MAP7D2: variants seen among roughly 807,000 people sequenced by gnomAD.
MAP7D2 encodes MAP7 domain containing 2.
A neutral mutation model predicts 63.5 loss-of-function variants in MAP7D2; 33 were observed. The ratio of observed to expected loss-of-function variants is 0.52; its 90% confidence interval spans 0.39 to 0.70. The LOEUF (loss-of-function observed/expected upper bound fraction) is 0.70, where lower values mean the gene tolerates loss of function less well. Ranked by LOEUF, MAP7D2 falls within the 30% of genes least tolerant of loss-of-function variation. The pLI, the probability that MAP7D2 is intolerant of heterozygous loss-of-function variation, is 0.00. For missense variants in MAP7D2, 626 were observed against 604.0 expected (o/e 1.04, Z -0.38); for synonymous variants, 224 against 223.7 (o/e 1.00, Z -0.01).
chrX:20,110,316 G>A (rs1326060917), intron 1 of MAP7D2, among the ~76,000 whole-genome samples: 1 of 108,902 alleles, frequency 9.2e-6, no homozygotes, highest in East Asian at 2.9e-4. Context: ...GGTGAAACCC[G>A]ATCTCTACTA....
intron 16 of MAP7D2, among the ~76,000 whole-genome samples, chrX:20,008,610 AT>A (rs1292615995): frequency 8.9e-6 from 1 of 112,015 alleles, no homozygotes; most frequent in Non-Finnish European, 1.9e-5. Flanking sequence ...GATGGGTCAA[AT>A]TTTCCTTGTA....
intron 7 of MAP7D2, among the ~76,000 whole-genome samples, chrX:20,043,175 A>G (rs1163749351): frequency 9.0e-6 from 1 of 111,577 alleles, no homozygotes; most frequent in Non-Finnish European, 1.9e-5. Context: ...CAAGTCCTCA[A>G]TTGGCCCCCA....
At chrX:20,097,830 C>T (rs898512263) in intron 1 of MAP7D2, among the ~76,000 whole-genome samples, 1 of 111,225 alleles carries the variant, frequency 9.0e-6, no homozygotes, top group Non-Finnish European at 1.9e-5. Context: ...CTTTGGGACT[C>T]ATAAATGCAC....
intron 1 of MAP7D2, among the ~76,000 whole-genome samples, chrX:20,102,538 T>C (rs1355184188): frequency 4.5e-5 from 5 of 110,589 alleles, no homozygotes; most frequent in Non-Finnish European, 7.6e-5. Flanking sequence ...CCAACAGCAG[T>C]TTAGAATATA....
In MAP7D2 at chrX:20,048,929, ATATACATATATATACATATATG is replaced by A. The variant is rs201037144; in HGVS notation, c.718+1873_718+1894del. ...AGAGCAAGACCCTGTCTTTAAATAC[ATATACATATATATACATATATG>A]TATACGTATATGTATACGTATACAT... is the stretch of plus-strand genomic sequence containing the variant. On this transcript the variant is annotated intron_variant, in intron 6 of 16. Coordinates refer to ENST00000379643, the MANE Select transcript of MAP7D2 (RefSeq NM_001168465.2). Among the ~76,000 whole-genome samples, 819 of 109,693 alleles carry A rather than the reference ATATACATATATATACATATATG, an allele frequency of 7.5e-3. 13 individuals are homozygous for A. Among genetic ancestry groups the A allele is most frequent in the African/African-American group, 0.026 (789 of 30,113 alleles).
At chrX:20,082,714 C>T (rs761047371) in intron 1 of MAP7D2, among the ~76,000 whole-genome samples, 19 of 112,062 alleles carry the variant, frequency 1.7e-4, no homozygotes, top group Non-Finnish European at 3.2e-4. Flanking sequence ...CTGCAACCTC[C>T]GCCTCCTGGG....
intron 10 of MAP7D2, among the ~76,000 whole-genome samples, chrX:20,023,032 G>A (rs2073710748): frequency 8.9e-6 from 1 of 112,003 alleles, no homozygotes; most frequent in South Asian, 3.7e-4. Flanking sequence ...AGTGGACAAT[G>A]CAGCCCTAGA....
At position 20,044,519 on chromosome X, in the gene MAP7D2, G is replaced by A; in HGVS notation, c.724C>T (p.His242Tyr). The A allele has an allele frequency of 8.3e-7, 1 of 1,208,587 alleles. No individual in the cohort carries two copies. The highest frequency in any genetic ancestry group is 1.1e-6 in the Non-Finnish European group (1 of 892,716). Residue 242 changes from histidine to tyrosine, a missense_variant, in exon 7 of 17, where the codon CAT (histidine) becomes TAT (tyrosine). Coordinates refer to ENST00000379643, the MANE Select transcript of MAP7D2 (RefSeq NM_001168465.2). Reference sequence around the variant, plus strand: ...AGAGGAGCTAAACGAGGACAGACATGGAATACTAGAAAGTTACAGTATAAC... The same window carrying A: ...AGAGGAGCTAAACGAGGACAGACATAGAATACTAGAAAGTTACAGTATAAC... ...LSGQANDSVFHVCPRLAPLGP... is the reference protein window; with the variant it reads ...LSGQANDSVFYVCPRLAPLGP...
chrX:20,078,887 C>T (rs1176279225), intron 1 of MAP7D2, among the ~76,000 whole-genome samples: 2 of 109,406 alleles, frequency 1.8e-5, no homozygotes, highest in African/African-American at 6.7e-5. Flanking sequence ...CTTGTTTTCA[C>T]ATCAGCAATG....
chrX:20,106,065 A>T (rs967042281), intron 1 of MAP7D2, among the ~76,000 whole-genome samples: 2 of 111,890 alleles, frequency 1.8e-5, no homozygotes, highest in South Asian at 7.4e-4. Flanking sequence ...ACTATCAACA[A>T]TAATCCACTC....
At chrX:20,073,300 GTTATTAA>G (rs1418631253) in intron 1 of MAP7D2, among the ~76,000 whole-genome samples, 1 of 111,433 alleles carries the variant, frequency 9.0e-6, no homozygotes, top group Non-Finnish European at 1.9e-5. Context: ...CAACAGCTTT[GTTATTAA>G]TTATACTTTG....
At chrX:20,109,376 C>T (rs1283951918) in intron 1 of MAP7D2, among the ~76,000 whole-genome samples, 2 of 108,301 alleles carry the variant, frequency 1.8e-5, no homozygotes, top group Non-Finnish European at 3.8e-5. Flanking sequence ...AAAAATTAGC[C>T]GGGCATGGTG....
chrX:20,029,145 G>A (rs1336854612), intron 8 of MAP7D2, among the ~76,000 whole-genome samples: 1 of 112,397 alleles, frequency 8.9e-6, no homozygotes. Flanking sequence ...GCTCTGCTTC[G>A]GGGGTCCCTG....
chrX:20,026,629 T>C, intron 8 of MAP7D2, among the ~76,000 whole-genome samples: 1 of 111,713 alleles, frequency 9.0e-6, no homozygotes, highest in Non-Finnish European at 1.9e-5. Flanking sequence ...GGGTCTCAGG[T>C]TTAAAAGAAT....
In MAP7D2 at chrX:20,094,533, T is replaced by TAC. The variant is rs1569140969; in HGVS notation, c.130+22216_130+22217insGT. On this transcript the variant is annotated intron_variant, in intron 1 of 16. Coordinates refer to ENST00000379643, the MANE Select transcript of MAP7D2 (RefSeq NM_001168465.2). ...ATATATATGTATATATATATATATA[T>TAC]ATATATATGTATATATATATATATA... 9.4e-4 allele frequency among the ~76,000 whole-genome samples: 10 copies of TAC among 10,599 alleles called. 2 individuals carry two copies. The highest frequency in any genetic ancestry group is 6.0e-3 in the Admixed American group (3 of 503). The allele number at this position is 10,599 out of a possible 115,157, so 9.2% of individuals were successfully genotyped here.
chrX:20,099,538 C>T (rs1477350696), intron 1 of MAP7D2, among the ~76,000 whole-genome samples: 1 of 111,985 alleles, frequency 8.9e-6, no homozygotes, highest in African/African-American at 3.3e-5. Context: ...GCCCACCATC[C>T]TGTGTCCAGG....
At chrX:20,049,580 T>C (rs919469339) in intron 6 of MAP7D2, among the ~76,000 whole-genome samples, 1 of 111,950 alleles carries the variant, frequency 8.9e-6, no homozygotes, top group Non-Finnish European at 1.9e-5. Flanking sequence ...CCTGTATTTC[T>C]TTTTATAGCT....
chrX:20,079,339 A>T (rs2065722009), intron 1 of MAP7D2, among the ~76,000 whole-genome samples: 1 of 112,359 alleles, frequency 8.9e-6, no homozygotes, highest in African/African-American at 3.2e-5. Context: ...GAAGATAAGG[A>T]AATCTAAGAA....
At chrX:20,011,605 G>C (rs1569513546) in intron 15 of MAP7D2, among the ~76,000 whole-genome samples, 1 of 112,237 alleles carries the variant, frequency 8.9e-6, no homozygotes, top group East Asian at 2.8e-4. Flanking sequence ...GTGCTGAGAA[G>C]AGTTCATGTG....
Sources: gnomAD v4.1 joint callset for allele counts (sites outside exome capture counted in the v4.1 genomes callset) on GRCh38, gnomAD v4.1.1 for gene constraint, MANE v1.5 for transcripts, NCBI Gene and HGNC (gene_info 2026-07-23, HGNC 2026-07-21) for gene names.